LRRC28: variants seen among roughly 807,000 people sequenced by gnomAD.
LRRC28 encodes leucine-rich repeat-containing protein 28.
LRRC28 carries 39 observed loss-of-function variants against 45.7 expected under a neutral mutation model. The observed-to-expected ratio is 0.85, with a 90% confidence interval of 0.66 to 1.12. The LOEUF (loss-of-function observed/expected upper bound fraction) is 1.12. LRRC28 is among the 50% of genes most tolerant of loss of function. The probability of loss-of-function intolerance (pLI) is 0.00; values close to 1 mark genes in which losing one functional copy is unlikely to be tolerated. For synonymous variants in LRRC28, 206 were observed against 178.8 expected (o/e 1.15, Z -1.22); for missense variants, 435 against 438.5 (o/e 0.99, Z 0.07).
At chr15:99,288,005 C>G in intron 5 of LRRC28, 54 bp downstream of exon 5, 1 of 1,471,854 alleles carries the variant, frequency 6.8e-7, no homozygotes, top group South Asian at 1.5e-5. Context: ...AATCTGTATT[C>G]ATATTTCTCA....
chr15:99,321,655 A>G (rs1025523988), intron 5 of LRRC28, among the ~76,000 whole-genome samples: 2 of 152,162 alleles, frequency 1.3e-5, no homozygotes, highest in African/African-American at 4.8e-5. Context: ...AATCTGAATC[A>G]TAAGTGTGAG....
At chr15:99,276,236 T>C (rs1294636008) in intron 2 of LRRC28, among the ~76,000 whole-genome samples, 1 of 152,038 alleles carries the variant, frequency 6.6e-6, no homozygotes, top group Non-Finnish European at 1.5e-5. Context: ...GTAATAATAA[T>C]AGAAATAAAG....
intron 2 of LRRC28, chr15:99,258,713 G>T (rs565073191): frequency 1.4e-6 from 1 of 709,688 alleles, no homozygotes; most frequent in African/African-American, 1.7e-5. Context: ...AAAGGAAAGT[G>T]ATGACCCTGT....
At chr15:99,371,919 T>C (rs978703) in intron 9 of LRRC28, among the ~76,000 whole-genome samples, 23,529 of 152,198 alleles carry the variant, frequency 0.15, 1,890 homozygotes, top group African/African-American at 0.18. Context: ...TCTAGGGCAA[T>C]GACACAATCA....
chr15:99,365,032 A>G (rs558384677), intron 9 of LRRC28, among the ~76,000 whole-genome samples: 41 of 152,338 alleles, frequency 2.7e-4, no homozygotes, highest in South Asian at 6.2e-4. Flanking sequence ...TGTAAACAAA[A>G]TGATAGGGTC....
chr15:99,367,423 C>G (rs910595046), intron 9 of LRRC28, among the ~76,000 whole-genome samples: 4 of 152,132 alleles, frequency 2.6e-5, no homozygotes, highest in Admixed American at 2.6e-4. Context: ...GTCAGAAGGG[C>G]AGCAGGCACA....
chr15:99,324,019 G>A (rs775880586), intron 5 of LRRC28, among the ~76,000 whole-genome samples: 2 of 152,136 alleles, frequency 1.3e-5, no homozygotes, highest in Non-Finnish European at 2.9e-5. Flanking sequence ...ATGGAATTTG[G>A]CATTGAAATG....
intron 2 of LRRC28, among the ~76,000 whole-genome samples, chr15:99,274,965 T>C (rs1277615184): frequency 2.0e-5 from 3 of 152,208 alleles, no homozygotes; most frequent in South Asian, 2.1e-4. Flanking sequence ...TGATTCATTA[T>C]TATTGATACA....
At chr15:99,302,740 C>T (rs984307782) in intron 5 of LRRC28, among the ~76,000 whole-genome samples, 1 of 152,194 alleles carries the variant, frequency 6.6e-6, no homozygotes, top group Non-Finnish European at 1.5e-5. Flanking sequence ...TTCTCACCCG[C>T]AGTCAACCAC....
intron 9 of LRRC28, among the ~76,000 whole-genome samples, chr15:99,382,683 T>A (rs1372755): frequency 0.36 from 54,293 of 151,936 alleles, 10,655 homozygotes; most frequent in African/African-American, 0.54. Context: ...TGTTCCTACC[T>A]GTTTATGGCT....
At position 99,335,612 on chromosome 15, in the gene LRRC28, G is replaced by A. The variant is rs572165190; in HGVS notation, c.592+1483G>A. ...TTTAAGGATGCAGTGAGCTATGACT[G>A]TGCCTGAGAATAGCCACTGCACTCC... On this transcript the variant is annotated intron_variant, in intron 6 of 9. Coordinates refer to ENST00000301981, the MANE Select transcript of LRRC28 (RefSeq NM_144598.5). Among the ~76,000 whole-genome samples, 8 of 152,214 alleles carry A rather than the reference G, an allele frequency of 5.3e-5. No homozygotes were observed. In the South Asian group the frequency reaches 1.7e-3, roughly 32 times the overall value.
chr15:99,321,872 T>A (rs571847272), intron 5 of LRRC28, among the ~76,000 whole-genome samples: 1 of 152,314 alleles, frequency 6.6e-6, no homozygotes, highest in South Asian at 2.1e-4. Context: ...ACACTGTGGT[T>A]TGACATGTAA....
At chr15:99,280,552 A>G (rs891781530) in intron 3 of LRRC28, among the ~76,000 whole-genome samples, 5 of 152,132 alleles carry the variant, frequency 3.3e-5, no homozygotes, top group African/African-American at 9.7e-5. Flanking sequence ...CCTGGCGTGC[A>G]TAGTTTCTGA....
chr15:99,277,689 C>T (rs1393885532), intron 3 of LRRC28, among the ~76,000 whole-genome samples: 1 of 152,054 alleles, frequency 6.6e-6, no homozygotes, highest in Non-Finnish European at 1.5e-5. Context: ...CTTGCTTTAT[C>T]AAGTTTTTGC....
At chr15:99,332,031 C>T (rs1956177091) in intron 5 of LRRC28, 2 of 152,176 alleles carry the variant, frequency 1.3e-5, no homozygotes, top group Admixed American at 1.3e-4. Context: ...TGTGGTATGT[C>T]TGGGATTGGT....
intron 9 of LRRC28, among the ~76,000 whole-genome samples, chr15:99,381,205 A>G (rs1234893470): frequency 6.6e-6 from 1 of 152,098 alleles, no homozygotes; most frequent in African/African-American, 2.4e-5. Flanking sequence ...ACATAGTCCC[A>G]TATTTCTTGG....
chr15:99,307,910 C>T (rs1050134833), intron 5 of LRRC28, among the ~76,000 whole-genome samples: 4 of 152,154 alleles, frequency 2.6e-5, no homozygotes, highest in Admixed American at 1.3e-4. Context: ...TTTGAGCAGA[C>T]GAGTCCTATG....
At chr15:99,290,508 T>C (rs1035448150) in intron 5 of LRRC28, among the ~76,000 whole-genome samples, 4 of 152,174 alleles carry the variant, frequency 2.6e-5, no homozygotes, top group African/African-American at 4.8e-5. Context: ...CTTTTGAAGA[T>C]TGCCTAGAAA....
intron 5 of LRRC28, among the ~76,000 whole-genome samples, chr15:99,329,335 GGA>G (rs1427558836): frequency 1.3e-5 from 2 of 152,130 alleles, no homozygotes; most frequent in African/African-American, 2.4e-5. Context: ...AAATATAAGT[GGA>G]GAGAGTTTTG....
Sources: allele counts gnomAD v4.1 joint callset (sites outside exome capture counted in the v4.1 genomes callset), GRCh38; gene constraint gnomAD v4.1.1; transcripts MANE v1.5; gene names NCBI Gene and HGNC (gene_info 2026-07-23, HGNC 2026-07-21).